Variants in DGKG observed in about 807,000 individuals in gnomAD.
DGKG encodes the protein diacylglycerol kinase gamma.
In DGKG, 78 loss-of-function variants were observed where a neutral mutation model predicts 105.3. That is an observed-to-expected ratio of 0.74 (90% CI 0.62 to 0.89). DGKG has a LOEUF of 0.89. DGKG is among the 40% of genes least tolerant of loss of function. The probability of loss-of-function intolerance (pLI) is 0.00; values close to 1 mark genes in which losing one functional copy is unlikely to be tolerated. For synonymous variants in DGKG, 346 were observed against 367.1 expected (o/e 0.94, Z 0.66); for missense variants, 958 against 1,020.1 (o/e 0.94, Z 0.83).
chr3:186,236,157 T>C (rs1354014584), intron 20 of DGKG, among the ~76,000 whole-genome samples: 1 of 152,176 alleles, frequency 6.6e-6, no homozygotes, highest in Non-Finnish European at 1.5e-5. Flanking sequence ...AGTGGTGCCA[T>C]ATTCCCACCC....
chr3:186,173,340 A>G (rs568572896), intron 22 of DGKG, among the ~76,000 whole-genome samples: 23 of 152,376 alleles, frequency 1.5e-4, no homozygotes, highest in Admixed American at 1.2e-3. Context: ...AGTGATCTGT[A>G]AAAAGCCATG....
chr3:186,197,083 G>A (rs1718215778), intron 21 of DGKG, among the ~76,000 whole-genome samples: 2 of 152,170 alleles, frequency 1.3e-5, no homozygotes, highest in Admixed American at 1.3e-4. Context: ...GCTGAACAGA[G>A]TGCTGGGACA....
intron 1 of DGKG, among the ~76,000 whole-genome samples, chr3:186,339,977 A>C (rs888095132): frequency 6.6e-5 from 10 of 152,244 alleles, no homozygotes; most frequent in Non-Finnish European, 1.3e-4. Context: ...GTAGGATTAA[A>C]GATAATGAAT....
At chr3:186,161,552 G>T in intron 24 of DGKG, 51 bp downstream of exon 24, 4 of 1,613,514 alleles carry the variant, frequency 2.5e-6, no homozygotes, top group Non-Finnish European at 3.4e-6. Flanking sequence ...TGCCCAAAAG[G>T]GCTCAAAAAT....
chr3:186,252,208 A>G (rs1181256572), intron 18 of DGKG, among the ~76,000 whole-genome samples: 2 of 152,200 alleles, frequency 1.3e-5, no homozygotes, highest in Admixed American at 6.5e-5. Flanking sequence ...GATGGCTGGG[A>G]GTCTCTGCAT....
intron 14 of DGKG, among the ~76,000 whole-genome samples, chr3:186,263,408 A>G (rs1721879496): frequency 6.6e-6 from 1 of 151,816 alleles, no homozygotes; most frequent in Non-Finnish European, 1.5e-5. Context: ...CTCTACTAAA[A>G]ATACAAAAAT....
intron 1 of DGKG, among the ~76,000 whole-genome samples, chr3:186,321,256 G>A (rs1441365182): frequency 6.6e-6 from 1 of 152,154 alleles, no homozygotes; most frequent in Non-Finnish European, 1.5e-5. Flanking sequence ...CAAACACTGA[G>A]CATCTTTTCC....
At chr3:186,164,748 T>C (rs1420737756) in intron 23 of DGKG, 150 bp downstream of exon 23, 11 of 908,388 alleles carry the variant, frequency 1.2e-5, no homozygotes, top group Admixed American at 8.3e-5. Flanking sequence ...GTTTGGGAAA[T>C]GGTCTACAAA....
intron 10 of DGKG, among the ~76,000 whole-genome samples, chr3:186,273,524 G>A (rs1359358842): frequency 2.0e-5 from 3 of 151,708 alleles, no homozygotes; most frequent in South Asian, 2.1e-4. Context: ...ACAAGCATGC[G>A]CCACCATGCC....
At chr3:186,328,338 C>T (rs1001536218) in intron 1 of DGKG, among the ~76,000 whole-genome samples, 4 of 152,134 alleles carry the variant, frequency 2.6e-5, no homozygotes, top group African/African-American at 9.7e-5. Flanking sequence ...AACATACAAG[C>T]TGGCAAGAGA....
intron 2 of DGKG, among the ~76,000 whole-genome samples, chr3:186,310,335 C>A (rs565215250): frequency 6.7e-6 from 1 of 148,626 alleles, no homozygotes; most frequent in African/African-American, 2.5e-5. Context: ...ACTAGCTTTC[C>A]GTGAGGTGGA....
chr3:186,279,775 T>G, intron 9 of DGKG, 76 bp downstream of exon 9: 1 of 1,552,804 alleles, frequency 6.4e-7, no homozygotes, highest in Non-Finnish European at 8.7e-7. Context: ...GAAGCCAAAG[T>G]GATATGTTGA....
At chr3:186,246,361 T>C (rs1720940245) in intron 19 of DGKG, among the ~76,000 whole-genome samples, 1 of 152,226 alleles carries the variant, frequency 6.6e-6, no homozygotes, top group African/African-American at 2.4e-5. Context: ...GAGACATTAA[T>C]TTTTTATATC....
chr3:186,336,188 CCAA>C (rs2108656065), intron 1 of DGKG, among the ~76,000 whole-genome samples: 1 of 152,270 alleles, frequency 6.6e-6, no homozygotes, highest in African/African-American at 2.4e-5. Flanking sequence ...CCATCTCAGT[CCAA>C]CTTCTCCCTT....
At chr3:186,257,684 T>G in intron 17 of DGKG, 170 bp downstream of exon 17, 1 of 347,552 alleles carries the variant, frequency 2.9e-6, no homozygotes, top group Non-Finnish European at 5.2e-6. Flanking sequence ...CTTATTTCTT[T>G]TTTTTTTTTT....
Position 186,164,882 on chromosome 3 carries a change from TG to T in DGKG, c.2216+15del, listed in dbSNP as rs1716462460. 1 of 1,603,202 alleles carries T rather than the reference TG, an allele frequency of 6.2e-7. No homozygotes were observed. Among genetic ancestry groups the T allele is most frequent in the African/African-American group, 1.3e-5 (1 of 74,580 alleles). ...GCGGGGAGATGCAGAGGCTGTTGGG[TG>T]ACAAAGAGGCATACCTGATGGTGAC... is the stretch of plus-strand genomic sequence containing the variant. On this transcript the variant is annotated intron_variant, in intron 23 of 24. Transcript: ENST00000265022.
chr3:186,298,058 G>A lies in DGKG; in HGVS notation c.310+6C>T, dbSNP rs759874706. On this transcript the variant is annotated splice_donor_region_variant and intron_variant, in intron 4 of 24. Coordinates refer to ENST00000265022, the MANE Select transcript of DGKG (RefSeq NM_001346.3). The stretch of plus-strand genomic sequence containing the variant: ...GTCTTCCCATCTTGGGGAAAGCTCT[G>A]TGTACCTGCGCTGTTGGCCTCACTG... 1 of 1,602,686 alleles carries A rather than the reference G, an allele frequency of 6.2e-7. No individual in the cohort carries two copies. The highest frequency in any genetic ancestry group is 1.1e-5 in the South Asian group (1 of 88,804).
intron 17 of DGKG, 38 bp from the exon 18 acceptor site, chr3:186,253,220 T>C (rs993452635): frequency 3.9e-6 from 6 of 1,524,174 alleles, no homozygotes; most frequent in Middle Eastern, 1.7e-4. Context: ...CCATATGCCA[T>C]GGGACTGTAG....
At chr3:186,339,249 C>T (rs908812024) in intron 1 of DGKG, among the ~76,000 whole-genome samples, 1 of 152,166 alleles carries the variant, frequency 6.6e-6, no homozygotes, top group Non-Finnish European at 1.5e-5. Flanking sequence ...TTACCTTAGC[C>T]ATCAGTGAAC....
Sources: allele counts gnomAD v4.1 joint callset (sites outside exome capture counted in the v4.1 genomes callset), GRCh38; gene constraint gnomAD v4.1.1; transcripts MANE v1.5; gene names NCBI Gene and HGNC (gene_info 2026-07-23, HGNC 2026-07-21).